Variants in CAGE1 observed in about 807,000 individuals in gnomAD.
CAGE1 encodes cancer-associated gene 1 protein.
A neutral mutation model predicts 94.9 loss-of-function variants in CAGE1; 66 were observed. The observed-to-expected ratio is 0.70, with a 90% confidence interval of 0.57 to 0.85. The LOEUF (loss-of-function observed/expected upper bound fraction) is 0.85, where lower values mean the gene tolerates loss of function less well. Among genes scored for constraint, CAGE1 ranks in the 40% least tolerant of loss-of-function variants. The probability of loss-of-function intolerance (pLI) is 0.00; values close to 1 mark genes in which losing one functional copy is unlikely to be tolerated. For missense variants in CAGE1, 865 were observed against 950.4 expected, an observed-to-expected ratio of 0.91 and a Z score of 1.18; for synonymous variants, 319 against 321.0, an observed-to-expected ratio of 0.99 and a Z score of 0.07.
intron 7 of CAGE1, among the ~76,000 whole-genome samples, chr6:7,366,999 A>G (rs940574370): frequency 6.6e-6 from 1 of 152,222 alleles, no homozygotes; most frequent in Admixed American, 6.5e-5. Context: ...CAAACTGATT[A>G]GTGAAGTGTG....
rs768202423 is a variant in CAGE1 at position 7,373,686 on chromosome 6, G to A, written c.1133C>T (p.Thr378Ile). 2 of 1,612,688 alleles carry A rather than the reference G, an allele frequency of 1.2e-6. No individual in the cohort carries two copies. The highest frequency in any genetic ancestry group is 1.7e-6 in the Non-Finnish European group (2 of 1,179,258). The change falls in exon 5 of 14, where the codon ACT becomes ATT. Residue 378 changes from threonine to isoleucine, a missense_variant. By Grantham distance (89) the Thr-to-Ile change is moderately conservative (BLOSUM62 -1). Coordinates refer to ENST00000502583, the MANE Select transcript of CAGE1 (RefSeq NM_001170692.2). The stretch of plus-strand genomic sequence containing the variant: ...TTCCAAATTCTGCAATGTCTTTTTA[G>A]TATCATTCTTCTCTAGGATTATTTT... ...KYKIILEKND[T>I]KKTLQNLEEV...
At chr6:7,333,053 C>T (rs1419538550) in intron 12 of CAGE1, among the ~76,000 whole-genome samples, 5 of 152,172 alleles carry the variant, frequency 3.3e-5, no homozygotes, top group East Asian at 3.9e-4. Context: ...CGGGTTCAAG[C>T]GATTCTCCTG....
At chr6:7,387,473 G>T (rs945561584) in intron 1 of CAGE1, among the ~76,000 whole-genome samples, 1 of 152,028 alleles carries the variant, frequency 6.6e-6, no homozygotes, top group Admixed American at 6.6e-5. Flanking sequence ...TTTAATCAAG[G>T]ATATTTACAA....
intron 5 of CAGE1, among the ~76,000 whole-genome samples, chr6:7,371,515 G>C (rs1760538430): frequency 6.6e-6 from 1 of 152,190 alleles, no homozygotes; most frequent in Non-Finnish European, 1.5e-5. Context: ...AGGTGCGGTG[G>C]CTCACGCTTG....
At chr6:7,355,914 GGCTTGCTTGAGCC>G (rs1229993390) in intron 10 of CAGE1, 98 bp downstream of exon 10, 19 of 623,538 alleles carry the variant, frequency 3.0e-5, no homozygotes, top group Non-Finnish European at 4.8e-5. Flanking sequence ...GAGGCAAGGA[GGCTTGCTTGAGCC>G]CAGGGGATTG....
In CAGE1 at chr6:7,374,052, G is replaced by T. The variant is rs1760650035; in HGVS notation, c.767C>A (p.Ala256Glu). Reference protein sequence around the residue: ...MSVSYEKEVTAEGVERPEIVS... With the variant: ...MSVSYEKEVTEEGVERPEIVS... Reference sequence around the variant, plus strand: ...AATTTCTGGCCTCTCCACACCCTCTGCTGTGACTTCCTTTTCATAACTGAC... The same window carrying T: ...AATTTCTGGCCTCTCCACACCCTCTTCTGTGACTTCCTTTTCATAACTGAC... Residue 256 changes from alanine to glutamate, a missense_variant, in exon 5 of 14, where the codon GCA becomes GAA. Coordinates refer to ENST00000502583, the MANE Select transcript of CAGE1 (RefSeq NM_001170692.2). The T allele has an allele frequency of 6.2e-7, 1 of 1,613,978 alleles. No individual in the cohort carries two copies.
chr6:7,387,622 T>G, intron 1 of CAGE1, among the ~76,000 whole-genome samples: 1 of 152,248 alleles, frequency 6.6e-6, no homozygotes, highest in African/African-American at 2.4e-5. Context: ...ACTGCGCCTA[T>G]TCCCTCAGGT....
At chr6:7,342,162 C>T (rs1759203393) in intron 11 of CAGE1, 1 of 1,021,358 alleles carries the variant, frequency 9.8e-7, no homozygotes, top group Non-Finnish European at 1.6e-6. Flanking sequence ...CTGGATCAGG[C>T]TGCCTGGACA....
intron 1 of CAGE1, 56 bp downstream of exon 1, chr6:7,389,146 C>T: frequency 2.5e-6 from 1 of 401,574 alleles, no homozygotes; most frequent in South Asian, 1.8e-5. Flanking sequence ...ACGGGAGTTA[C>T]TCGCAAAAAC....
chr6:7,333,655 T>TATATAC lies in CAGE1; in HGVS notation c.2438+366_2438+367insGTATAT, dbSNP rs1348383588. On this transcript the variant is annotated intron_variant, in intron 12 of 13. Coordinates refer to ENST00000502583, the MANE Select transcript of CAGE1 (RefSeq NM_001170692.2). ...CTATCTAACTATCTATATATATATA[T>TATATAC]ATATATATATATATATATACATTTT... is the stretch of plus-strand genomic sequence containing the variant. Among the ~76,000 whole-genome samples the TATATAC allele has an allele frequency of 2.8e-5, 3 of 108,656 alleles. 1 individual carries two copies. The highest frequency in any genetic ancestry group is 1.3e-4 in the African/African-American group (3 of 22,790). The allele number at this position is 108,656 out of a possible 152,430, so 71.3% of individuals were successfully genotyped here.
intron 12 of CAGE1, among the ~76,000 whole-genome samples, chr6:7,333,144 TTTCACCATG>T (rs1397709475): frequency 6.6e-6 from 1 of 152,080 alleles, no homozygotes; most frequent in African/African-American, 2.4e-5. Flanking sequence ...AGAGACAGGG[TTTCACCATG>T]TTGGCCAGGC....
chr6:7,345,066 A>G (rs546403323), intron 11 of CAGE1, among the ~76,000 whole-genome samples: 13 of 152,284 alleles, frequency 8.5e-5, no homozygotes, highest in East Asian at 5.8e-4. Context: ...GCTGGTGTTG[A>G]AAGCTTTGTT....
intron 9 of CAGE1, 59 bp downstream of exon 9, chr6:7,365,409 G>T: frequency 7.3e-7 from 1 of 1,368,038 alleles, no homozygotes; most frequent in Non-Finnish European, 1.0e-6. Context: ...TCTTAAACTT[G>T]CTAGTAAAAT....
chr6:7,336,291 G>A lies in CAGE1; in HGVS notation c.2370-2201C>T, dbSNP rs971869948. Among the ~76,000 whole-genome samples, 21 of 152,310 alleles carry A rather than the reference G, an allele frequency of 1.4e-4. No homozygotes were observed. The South Asian group carries it at 2.1e-3, about 15-fold the overall frequency. ...GTTTTTCCAAGTGTGCAACATAGCAGCAGTGGAATATATTGACACTGCACT... is the reference window on the plus strand; with the variant it reads ...GTTTTTCCAAGTGTGCAACATAGCAACAGTGGAATATATTGACACTGCACT... On this transcript the variant is annotated intron_variant, in intron 11 of 13. Transcript: ENST00000502583.
At chr6:7,384,797 C>G (rs1046219436) in intron 3 of CAGE1, among the ~76,000 whole-genome samples, 2 of 151,886 alleles carry the variant, frequency 1.3e-5, no homozygotes, top group Non-Finnish European at 2.9e-5. Flanking sequence ...TCACTGCAGT[C>G]TCAGCCTCCC....
intron 11 of CAGE1, among the ~76,000 whole-genome samples, chr6:7,348,379 C>T (rs759318010): frequency 8.5e-5 from 13 of 152,190 alleles, no homozygotes; most frequent in Non-Finnish European, 1.6e-4. Context: ...AGAGGAAGAG[C>T]ACCCCATCAA....
rs55850429 is a variant in CAGE1 at position 7,358,027 on chromosome 6, GATATATATATATATAT to G, written c.2194-1914_2194-1899del. ...CAGACTGCGGTTAGGTAAGTTTTGA[GATATATATATATATAT>G]ATATATATATATATATATATATATA... On this transcript the variant is annotated intron_variant, in intron 9 of 13. Transcript: ENST00000502583. Among the ~76,000 whole-genome samples the G allele has an allele frequency of 3.0e-3, 142 of 48,088 alleles. 4 individuals carry two copies. Among genetic ancestry groups the G allele is most frequent in the East Asian group, 0.026 (24 of 906 alleles). The allele number at this position is 48,088 out of a possible 152,430, so 31.5% of individuals were successfully genotyped here.
intron 10 of CAGE1, among the ~76,000 whole-genome samples, chr6:7,355,356 T>C (rs548991126): frequency 9.2e-5 from 14 of 152,330 alleles, no homozygotes; most frequent in African/African-American, 2.9e-4. Context: ...CATAATCTAG[T>C]TGTCTTCCAA....
chr6:7,377,124 T>C (rs1165061098), intron 4 of CAGE1, among the ~76,000 whole-genome samples: 1 of 152,216 alleles, frequency 6.6e-6, no homozygotes, highest in Non-Finnish European at 1.5e-5. Context: ...CCTCCTCTAG[T>C]AGGATGCTGT....
Sources: gnomAD v4.1 joint callset for allele counts (sites outside exome capture counted in the v4.1 genomes callset) on GRCh38, gnomAD v4.1.1 for gene constraint, MANE v1.5 for transcripts, NCBI Gene and HGNC (gene_info 2026-07-23, HGNC 2026-07-21) for gene names.